Variants in MTM1 observed in about 807,000 individuals in gnomAD.
MTM1 encodes myotubularin.
Under a neutral mutation model 52.1 loss-of-function variants are expected in MTM1, and 9 were observed. That is an observed-to-expected ratio of 0.17 (90% CI 0.10 to 0.30). The LOEUF (loss-of-function observed/expected upper bound fraction) is 0.30, where lower values mean the gene tolerates loss of function less well. Among genes scored for constraint, MTM1 ranks in the 10% least tolerant of loss-of-function variants. MTM1 has a pLI of 1.00. For missense variants in MTM1, 277 were observed against 470.7 expected (o/e 0.59, Z 3.81); for synonymous variants, 136 against 163.8 (o/e 0.83, Z 1.29).
At chrX:150,608,063 A>G (rs2039202004) in intron 4 of MTM1, among the ~76,000 whole-genome samples, 1 of 110,987 alleles carries the variant, frequency 9.0e-6, no homozygotes, top group Non-Finnish European at 1.9e-5. Context: ...AGAACAGCAT[A>G]TGAGAGGACC....
At chrX:150,592,749 T>G (rs1448555716) in intron 2 of MTM1, 72 bp downstream of exon 2, 3 of 705,087 alleles carry the variant, frequency 4.3e-6, no homozygotes, top group Non-Finnish European at 6.8e-6. Flanking sequence ...TAGGTCATTT[T>G]GGGCTGGCCT....
intron 1 of MTM1, among the ~76,000 whole-genome samples, chrX:150,581,047 G>A (rs1162638913): frequency 3.6e-5 from 4 of 111,400 alleles, no homozygotes; most frequent in African/African-American, 1.3e-4. Flanking sequence ...CAGAGACCAG[G>A]CACCTTTAAA....
At chrX:150,633,680 C>CAA (rs11335266) in intron 6 of MTM1, among the ~76,000 whole-genome samples, 1 of 100,945 alleles carries the variant, frequency 9.9e-6, no homozygotes, top group Non-Finnish European at 2.0e-5. Flanking sequence ...AAATCAAATT[C>CAA]AAAAAAAAAA....
chrX:150,657,228 G>T (rs62609262), intron 10 of MTM1, among the ~76,000 whole-genome samples: 345 of 111,014 alleles, frequency 3.1e-3, no homozygotes, highest in Non-Finnish European at 5.1e-3. Context: ...CAACCCAAAT[G>T]TCCATCAATG....
At chrX:150,577,060 G>C (rs1182138579) in intron 1 of MTM1, among the ~76,000 whole-genome samples, 1 of 112,378 alleles carries the variant, frequency 8.9e-6, no homozygotes, top group Non-Finnish European at 1.9e-5. Flanking sequence ...TCAAGGATAG[G>C]CTTATGTGGT....
chrX:150,578,219 T>C (rs1462123967), intron 1 of MTM1, among the ~76,000 whole-genome samples: 1 of 112,023 alleles, frequency 8.9e-6, no homozygotes, highest in Non-Finnish European at 1.9e-5. Flanking sequence ...GAAGGCCACA[T>C]AGAAAGGAAC....
chrX:150,596,510 G>A lies in MTM1; in HGVS notation c.76G>A (p.Gly26Arg). 8.3e-7 allele frequency: 1 copy of A among 1,207,635 alleles called. No homozygotes were observed. The highest frequency in any genetic ancestry group is 1.1e-6 in the Non-Finnish European group (1 of 892,677). The change falls in exon 3 of 15, where the codon GGA becomes AGA. Residue 26 changes from glycine to arginine, a missense_variant. Gly to Arg is a moderately radical substitution (Grantham distance 125). Around this residue, in one of 4 missense-constraint regions of MTM1, gnomAD observed 164 missense variants for 283.3 expected, o/e 0.58. Coordinates refer to ENST00000370396, the MANE Select transcript of MTM1 (RefSeq NM_000252.3). ...NESIKRTSRD[G>R]VNRDLTEAVP... is the part of the protein sequence containing the mutation. ...GTTTTGTTTCTAGACGTCTCGAGAT[G>A]GAGTCAATCGAGATCTCACTGAGGC... is the stretch of plus-strand genomic sequence containing the variant.
At chrX:150,622,471 A>C (rs1557413323) in intron 6 of MTM1, among the ~76,000 whole-genome samples, 1 of 111,952 alleles carries the variant, frequency 8.9e-6, no homozygotes, top group Non-Finnish European at 1.9e-5. Flanking sequence ...TCAAGGATTT[A>C]GTAGTGTGTA....
intron 6 of MTM1, among the ~76,000 whole-genome samples, chrX:150,631,410 C>A (rs1368724730): frequency 2.7e-5 from 3 of 111,826 alleles, no homozygotes; most frequent in African/African-American, 9.8e-5. Context: ...GCCTTGCAAT[C>A]CCAGCACTTT....
At chrX:150,625,928 A>G (rs1355081669) in intron 6 of MTM1, among the ~76,000 whole-genome samples, 1 of 112,816 alleles carries the variant, frequency 8.9e-6, no homozygotes, top group Non-Finnish European at 1.9e-5. Context: ...TGTGGAGACC[A>G]GCAGCCTTCT....
intron 10 of MTM1, among the ~76,000 whole-genome samples, chrX:150,653,873 A>C (rs1001877790): frequency 1.8e-5 from 2 of 112,183 alleles, no homozygotes; most frequent in Non-Finnish European, 3.8e-5. Flanking sequence ...GCTAGCCCTC[A>C]TTGAGCCTAT....
At chrX:150,622,156 G>T (rs186852052) in intron 6 of MTM1, among the ~76,000 whole-genome samples, 1 of 100,732 alleles carries the variant, frequency 9.9e-6, no homozygotes, top group East Asian at 3.1e-4. Flanking sequence ...GAGAATCCCT[G>T]CTTCTTGTTT....
intron 4 of MTM1, among the ~76,000 whole-genome samples, chrX:150,607,383 A>G (rs1342785013): frequency 9.0e-6 from 1 of 111,709 alleles, no homozygotes; most frequent in Non-Finnish European, 1.9e-5. Flanking sequence ...AAACTTCTTT[A>G]AAAATTAGTC....
intron 4 of MTM1, among the ~76,000 whole-genome samples, chrX:150,612,325 CT>C (rs2039297554): frequency 8.9e-6 from 1 of 111,948 alleles, no homozygotes; most frequent in Non-Finnish European, 1.9e-5. Flanking sequence ...CAGCCTTACA[CT>C]TTTTGAATTT....
At chrX:150,587,625 C>G (rs1440064886) in intron 1 of MTM1, among the ~76,000 whole-genome samples, 2 of 111,797 alleles carry the variant, frequency 1.8e-5, no homozygotes, top group Non-Finnish European at 3.8e-5. Context: ...TCTTGGTTCA[C>G]AGTGATTTGG....
chrX:150,574,852 C>G (rs1222454517), intron 1 of MTM1, among the ~76,000 whole-genome samples: 1 of 112,014 alleles, frequency 8.9e-6, no homozygotes, highest in Non-Finnish European at 1.9e-5. Flanking sequence ...TTTGCCAAGT[C>G]CTTAGCCCAG....
rs781920092 is a variant in MTM1, at chrX:150,599,217, C to G, written c.231+531C>G. ...TAAAGCACCAGGTAGCAGTGTAGAACTAGGATGACTATGGTATGGCTTACT... is the reference window on the plus strand; with the variant it reads ...TAAAGCACCAGGTAGCAGTGTAGAAGTAGGATGACTATGGTATGGCTTACT... On this transcript the variant is annotated intron_variant, in intron 4 of 14. Transcript: ENST00000370396. Among the ~76,000 whole-genome samples, 17 of 112,448 alleles carry G rather than the reference C, an allele frequency of 1.5e-4. No individual in the cohort carries two copies. In the South Asian group the frequency reaches 6.3e-3, roughly 42 times the overall value.
At chrX:150,570,173 C>A (rs1603083126) in intron 1 of MTM1, among the ~76,000 whole-genome samples, 1 of 111,720 alleles carries the variant, frequency 9.0e-6, no homozygotes. Flanking sequence ...GGGAAGACAG[C>A]AAAGAGCCCC....
intron 7 of MTM1, 81 bp from the exon 8 acceptor site, chrX:150,641,188 A>G: frequency 9.2e-7 from 1 of 1,085,992 alleles, no homozygotes; most frequent in Non-Finnish European, 1.3e-6. Flanking sequence ...ACATATTGCT[A>G]GAAGGAAGAA....
Sources: gnomAD v4.1 joint callset for allele counts (sites outside exome capture counted in the v4.1 genomes callset) on GRCh38, gnomAD v4.1.1 for gene constraint, gnomAD v4.1.1 regional missense constraint, MANE v1.5 for transcripts, NCBI Gene and HGNC (gene_info 2026-07-23, HGNC 2026-07-21) for gene names.